Variants in ACACB observed in about 807,000 individuals in gnomAD.
The protein encoded by ACACB is acetyl-CoA carboxylase 2.
Under a neutral mutation model 278.8 loss-of-function variants are expected in ACACB, and 209 were observed. The observed-to-expected ratio is 0.75, with a 90% CI of 0.67 to 0.84. The LOEUF (loss-of-function observed/expected upper bound fraction) is 0.84. Ranked by LOEUF, ACACB falls within the 40% of genes least tolerant of loss-of-function variation. The pLI, the probability that ACACB is intolerant of heterozygous loss-of-function variation, is 0.00. For missense variants in ACACB, 2,850 were observed against 3,269.0 expected (o/e 0.87, Z 3.13); for synonymous variants, 1,174 against 1,285.6 (o/e 0.91, Z 1.86).
chr12:109,218,920 C>A (rs2046084933), intron 24 of ACACB, among the ~76,000 whole-genome samples: 1 of 152,120 alleles, frequency 6.6e-6, no homozygotes, highest in African/African-American at 2.4e-5. Flanking sequence ...GCATGCGCCA[C>A]CACGCCCGGC....
intron 13 of ACACB, among the ~76,000 whole-genome samples, chr12:109,190,208 C>A (rs2136275108): frequency 6.6e-6 from 1 of 152,338 alleles, no homozygotes; most frequent in Non-Finnish European, 1.5e-5. Flanking sequence ...TAGGGCTCAG[C>A]TTCCCGAGTA....
chr12:109,194,512 A>ATG (rs370227666), intron 16 of ACACB, among the ~76,000 whole-genome samples: 4,356 of 88,410 alleles, frequency 0.049, 95 homozygotes, highest in Non-Finnish European at 0.06. Flanking sequence ...CTGTGTGTGC[A>ATG]TGTGTGTGTG....
chr12:109,220,698 C>T (rs781266542), intron 24 of ACACB, among the ~76,000 whole-genome samples: 6 of 152,074 alleles, frequency 3.9e-5, no homozygotes, highest in Admixed American at 6.6e-5. Context: ...ACTACAGGCA[C>T]GTACCACCAC....
At chr12:109,263,870 T>C (rs2047443257) in intron 49 of ACACB, 1 of 178,900 alleles carries the variant, frequency 5.6e-6, no homozygotes, top group South Asian at 1.8e-4. Context: ...ATCATTGATA[T>C]AGTATCCTAC....
At chr12:109,133,686 A>C (rs542430196) in intron 1 of ACACB, among the ~76,000 whole-genome samples, 1 of 151,796 alleles carries the variant, frequency 6.6e-6, no homozygotes, top group East Asian at 1.9e-4. Context: ...CATTTGTATG[A>C]GTTGTTCTCT....
chr12:109,137,112 C>A (rs762838120), intron 1 of ACACB, among the ~76,000 whole-genome samples: 1 of 151,842 alleles, frequency 6.6e-6, no homozygotes. Flanking sequence ...GTTTTTTTCC[C>A]TTTGTTCCAT....
chr12:109,213,006 G>T (rs2045894221), intron 22 of ACACB, 70 bp downstream of exon 22: 10 of 1,376,268 alleles, frequency 7.3e-6, no homozygotes, highest in Admixed American at 1.7e-5. Flanking sequence ...CCAGGGTGGT[G>T]CTCTGGGGCT....
At chr12:109,154,314 T>C (rs781498230) in intron 2 of ACACB, among the ~76,000 whole-genome samples, 1 of 152,188 alleles carries the variant, frequency 6.6e-6, no homozygotes, top group Non-Finnish European at 1.5e-5. Context: ...ACCAGGACTT[T>C]GGGAAATAAA....
In ACACB at chr12:109,204,539, T is replaced by C. The variant is rs367724368; in HGVS notation, c.2914-2171T>C. On this transcript the variant is annotated intron_variant, in intron 19 of 52. Coordinates refer to ENST00000338432, the MANE Select transcript of ACACB (RefSeq NM_001093.4). ...ATCCGCCCACCTCAGCCTCCCAAAG[T>C]GCTGGGATTACAGGTGTGAGCCACC... Among the ~76,000 whole-genome samples, 256 of 152,066 alleles carry C rather than the reference T, an allele frequency of 1.7e-3. 1 individual carries two copies. Among genetic ancestry groups the C allele is most frequent in the African/African-American group, 5.8e-3 (241 of 41,500 alleles).
intron 27 of ACACB, among the ~76,000 whole-genome samples, chr12:109,224,370 C>T (rs113815347): frequency 0.03 from 4,566 of 151,560 alleles, 79 homozygotes; most frequent in Middle Eastern, 0.051. Flanking sequence ...CCCTGCCCCC[C>T]GAGTGATGAG....
At chr12:109,135,441 T>G (rs2042942893) in intron 1 of ACACB, among the ~76,000 whole-genome samples, 1 of 152,078 alleles carries the variant, frequency 6.6e-6, no homozygotes, top group African/African-American at 2.4e-5. Flanking sequence ...GATATATGGT[T>G]TGCAAGTGGT....
chr12:109,158,984 G>GAAACA (rs2043634668), intron 2 of ACACB, among the ~76,000 whole-genome samples: 2 of 37,440 alleles, frequency 5.3e-5, no homozygotes, highest in African/African-American at 2.4e-4. Flanking sequence ...CGAAACAAAC[G>GAAACA]AAACAAAACA....
chr12:109,201,732 C>G (rs1038187841), intron 19 of ACACB, 31 bp downstream of exon 19: 1 of 1,610,414 alleles, frequency 6.2e-7, no homozygotes, highest in Middle Eastern at 1.8e-4. Flanking sequence ...AGTGCTCTGG[C>G]TGGTGCAGGT....
At chr12:109,185,032 C>T (rs971047231) in intron 11 of ACACB, among the ~76,000 whole-genome samples, 2 of 152,156 alleles carry the variant, frequency 1.3e-5, no homozygotes, top group African/African-American at 4.8e-5. Context: ...CAGAATGTCC[C>T]TCATTGGATT....
chr12:109,240,489 T>C (rs944436904), intron 35 of ACACB, among the ~76,000 whole-genome samples: 1 of 151,740 alleles, frequency 6.6e-6, no homozygotes, highest in African/African-American at 2.4e-5. Flanking sequence ...AGACCCTATC[T>C]CTACTAAAAA....
At chr12:109,223,683 G>A (rs573610141) in intron 26 of ACACB, 132 bp from the exon 27 acceptor site, 2 of 808,618 alleles carry the variant, frequency 2.5e-6, no homozygotes, top group African/African-American at 3.4e-5. Context: ...GATCGCTTCA[G>A]CCTGGGAGTT....
At chr12:109,220,645 G>A (rs2046133084) in intron 24 of ACACB, among the ~76,000 whole-genome samples, 1 of 152,072 alleles carries the variant, frequency 6.6e-6, no homozygotes, top group Non-Finnish European at 1.5e-5. Context: ...TCTGCCTCCT[G>A]GGTTCAAGTG....
At chr12:109,259,575 C>CAA (rs1480519994) in intron 47 of ACACB, among the ~76,000 whole-genome samples, 1 of 130,224 alleles carries the variant, frequency 7.7e-6, no homozygotes, top group African/African-American at 2.8e-5. Flanking sequence ...AAAAAAAAAA[C>CAA]AAAAAAACAA....
chr12:109,234,004 G>A lies in ACACB; in HGVS notation c.4306G>A (p.Glu1436Lys), dbSNP rs1178277494. Residue 1436 changes from glutamate (E) to lysine (K), a missense_variant, in exon 31 of 53, where the codon GAG becomes AAG. Coordinates refer to ENST00000338432, the MANE Select transcript of ACACB (RefSeq NM_001093.4). ...SIQCADHLED[E>K]ALVPILRTFV... is the part of the protein sequence containing the mutation. ...CCAGTGTGCAGACCACCTGGAGGATGAGGCACTGGTGCCGATTTTACGGAC... is the reference window on the plus strand; with the variant it reads ...CCAGTGTGCAGACCACCTGGAGGATAAGGCACTGGTGCCGATTTTACGGAC... 6.2e-7 allele frequency: 1 copy of A among 1,614,096 alleles called. No homozygotes were observed. The highest frequency in any genetic ancestry group is 2.2e-5 in the East Asian group (1 of 44,876).
Sources: allele counts gnomAD v4.1 joint callset (sites outside exome capture counted in the v4.1 genomes callset), GRCh38; gene constraint gnomAD v4.1.1; transcripts MANE v1.5; gene names NCBI Gene and HGNC (gene_info 2026-07-23, HGNC 2026-07-21).